Variants in MTMR7 observed in about 807,000 individuals in gnomAD.
The protein encoded by MTMR7 is phosphatidylinositol-3-phosphate phosphatase MTMR7.
MTMR7 carries 76 observed loss-of-function variants against 81.2 expected under a neutral mutation model. The observed-to-expected ratio is 0.94, with a 90% CI of 0.78 to 1.13. The LOEUF (loss-of-function observed/expected upper bound fraction) is 1.13. Among genes scored for constraint, MTMR7 ranks in the 50% most tolerant of loss-of-function variants. MTMR7 has a pLI of 0.00. For synonymous variants in MTMR7, 372 were observed against 289.8 expected (o/e 1.28, Z -2.88); for missense variants, 1,044 against 820.0 (o/e 1.27, Z -3.34).
At chr8:17,383,475 G>C (rs910545525) in intron 1 of MTMR7, among the ~76,000 whole-genome samples, 4 of 152,178 alleles carry the variant, frequency 2.6e-5, no homozygotes, top group East Asian at 1.9e-4. Context: ...AACTGCCCAA[G>C]CCTCGCATCT....
chr8:17,312,604 C>A (rs55691376), intron 8 of MTMR7, among the ~76,000 whole-genome samples: 9,706 of 142,654 alleles, frequency 0.068, 343 homozygotes, highest in African/African-American at 0.078. Flanking sequence ...AAAAAAAATT[C>A]TCTGTCTCCC....
At chr8:17,411,600 C>A (rs894356130) in intron 1 of MTMR7, among the ~76,000 whole-genome samples, 1 of 152,138 alleles carries the variant, frequency 6.6e-6, no homozygotes, top group African/African-American at 2.4e-5. Context: ...ATGACTCACC[C>A]AATTCAGTAA....
intron 3 of MTMR7, among the ~76,000 whole-genome samples, chr8:17,362,601 T>G (rs190772723): frequency 2.7e-4 from 41 of 152,296 alleles, no homozygotes; most frequent in African/African-American, 9.6e-4. Flanking sequence ...GCAGAAGGCC[T>G]GCTCCTAATT....
chr8:17,410,343 T>C (rs1821704128), intron 1 of MTMR7, among the ~76,000 whole-genome samples: 1 of 152,192 alleles, frequency 6.6e-6, no homozygotes. Flanking sequence ...TGGACACATT[T>C]GCCTCAATCT....
At chr8:17,356,056 T>C (rs1055492765) in intron 4 of MTMR7, among the ~76,000 whole-genome samples, 2 of 152,208 alleles carry the variant, frequency 1.3e-5, no homozygotes, top group Non-Finnish European at 2.9e-5. Context: ...CTTTCATCCT[T>C]GTGTCCTATC....
At chr8:17,333,621 G>A (rs1819124190) in intron 6 of MTMR7, among the ~76,000 whole-genome samples, 1 of 152,156 alleles carries the variant, frequency 6.6e-6, no homozygotes, top group Non-Finnish European at 1.5e-5. Context: ...AGGCAGAGGT[G>A]GGGAGATCTC....
chr8:17,355,093 AG>A (rs1392566083), intron 4 of MTMR7, among the ~76,000 whole-genome samples: 1 of 152,186 alleles, frequency 6.6e-6, no homozygotes, highest in Admixed American at 6.5e-5. Flanking sequence ...TAATTCTAGA[AG>A]GAAATCTCAT....
Position 17,331,278 on chromosome 8 carries a change from T to A in MTMR7, c.737A>T (p.Asn246Ile). 1 of 1,604,936 alleles carries A rather than the reference T, an allele frequency of 6.2e-7. No homozygotes were observed. Among genetic ancestry groups the A allele is most frequent in the Non-Finnish European group, 8.5e-7 (1 of 1,177,216 alleles). The change falls in exon 7 of 14, where the codon AAT (asparagine) becomes ATT (isoleucine). Residue 246 changes from asparagine to isoleucine, a missense_variant. Coordinates refer to ENST00000180173, the MANE Select transcript of MTMR7 (RefSeq NM_004686.5). ...CCCTGCAGCACGATTTGCCATTGCATTAAGCTGCAGTGGTCAGCAAAACAG... is the reference window on the plus strand; with the variant it reads ...CCCTGCAGCACGATTTGCCATTGCAATAAGCTGCAGTGGTCAGCAAAACAG... ...VYVVDTRPKL[N>I]AMANRAAGKG...
intron 11 of MTMR7, among the ~76,000 whole-genome samples, chr8:17,305,323 A>G (rs1768570072): frequency 6.6e-6 from 1 of 152,222 alleles, no homozygotes; most frequent in South Asian, 2.1e-4. Flanking sequence ...TCCACAATTT[A>G]TCTACTTTTA....
chr8:17,374,686 G>C (rs1001363868), intron 1 of MTMR7, among the ~76,000 whole-genome samples: 9 of 152,140 alleles, frequency 5.9e-5, no homozygotes, highest in African/African-American at 2.2e-4. Flanking sequence ...GGTAGCAGGT[G>C]CCTGCAATCC....
chr8:17,336,139 T>G (rs1819230260), intron 6 of MTMR7, among the ~76,000 whole-genome samples: 1 of 152,190 alleles, frequency 6.6e-6, no homozygotes, highest in Non-Finnish European at 1.5e-5. Flanking sequence ...TGCAGGTTTT[T>G]GGAGGTAGGG....
intron 3 of MTMR7, among the ~76,000 whole-genome samples, chr8:17,370,643 A>T (rs1216423136): frequency 1.3e-5 from 2 of 151,852 alleles, no homozygotes; most frequent in African/African-American, 4.8e-5. Context: ...GAGGGAGAAA[A>T]CTGCGCTAGA....
intron 4 of MTMR7, among the ~76,000 whole-genome samples, chr8:17,352,431 C>G (rs990510687): frequency 6.6e-6 from 1 of 152,090 alleles, no homozygotes; most frequent in Non-Finnish European, 1.5e-5. Flanking sequence ...ATATCTTGTA[C>G]TATATAAAAA....
rs181506659 is a variant in MTMR7, at chr8:17,347,174, G to A, written c.597+1779C>T. Among the ~76,000 whole-genome samples the A allele has an allele frequency of 2.0e-3, 301 of 148,400 alleles. 1 individual carries two copies. The highest frequency in any genetic ancestry group is 7.1e-3 in the Middle Eastern group (2 of 280). On this transcript the variant is annotated intron_variant, in intron 5 of 13. Coordinates refer to ENST00000180173, the MANE Select transcript of MTMR7 (RefSeq NM_004686.5). ...TGTGCCACTGCACTCCAGCCTGGGC[G>A]ACAAGTGAGATCTTGTTTCCGAAAA...
At chr8:17,373,009 C>G in intron 2 of MTMR7, 109 bp downstream of exon 2, 2 of 1,341,900 alleles carry the variant, frequency 1.5e-6, no homozygotes, top group Non-Finnish European at 2.0e-6. Context: ...CCCCAACATC[C>G]AGGCACAAAA....
At chr8:17,387,129 A>G (rs947305266) in intron 1 of MTMR7, among the ~76,000 whole-genome samples, 3 of 152,176 alleles carry the variant, frequency 2.0e-5, no homozygotes, top group African/African-American at 7.2e-5. Flanking sequence ...GATAGATATC[A>G]CTGATCATTC....
At chr8:17,350,388 G>A (rs1460526548) in intron 4 of MTMR7, among the ~76,000 whole-genome samples, 2 of 152,208 alleles carry the variant, frequency 1.3e-5, no homozygotes, top group Non-Finnish European at 2.9e-5. Flanking sequence ...AGGAGCAGAG[G>A]CACGTCTTAC....
At chr8:17,342,250 G>A (rs1423294777) in intron 5 of MTMR7, among the ~76,000 whole-genome samples, 4 of 152,100 alleles carry the variant, frequency 2.6e-5, no homozygotes, top group East Asian at 1.9e-4. Flanking sequence ...ATAAAACTTC[G>A]GCTTTTGTGG....
chr8:17,356,625 A>T (rs1181546916), intron 4 of MTMR7, among the ~76,000 whole-genome samples: 3 of 152,044 alleles, frequency 2.0e-5, no homozygotes, highest in Non-Finnish European at 4.4e-5. Flanking sequence ...GAGGCAGGAA[A>T]ATTGCTTGAA....
Sources: gnomAD v4.1 joint callset for allele counts (sites outside exome capture counted in the v4.1 genomes callset) on GRCh38, gnomAD v4.1.1 for gene constraint, MANE v1.5 for transcripts, NCBI Gene and HGNC (gene_info 2026-07-23, HGNC 2026-07-21) for gene names.